Variants in NTM observed in about 807,000 individuals in gnomAD.
NTM encodes the protein IgLON family member 2.
In NTM, 13 loss-of-function variants were observed where a neutral mutation model predicts 42.1. The ratio of observed to expected loss-of-function variants is 0.31; its 90% confidence interval spans 0.20 to 0.49. The LOEUF is 0.49. Among genes scored for constraint, NTM ranks in the 20% least tolerant of loss-of-function variants. NTM has a pLI of 0.99. For synonymous variants in NTM, 187 were observed against 179.2 expected (o/e 1.04, Z -0.35); for missense variants, 373 against 452.8 (o/e 0.82, Z 1.60).
chr11:131,379,809 A>T (rs988379030), intron 1 of NTM, among the ~76,000 whole-genome samples: 4 of 152,106 alleles, frequency 2.6e-5, no homozygotes, highest in African/African-American at 9.7e-5. Context: ...CCTATTTTCT[A>T]TAAAATCATC....
intron 1 of NTM, among the ~76,000 whole-genome samples, chr11:131,630,607 A>G (rs2063557391): frequency 6.6e-6 from 1 of 152,158 alleles, no homozygotes; most frequent in African/African-American, 2.4e-5. Flanking sequence ...AATGTGATCT[A>G]CAGTCAGAGG....
intron 3 of NTM, among the ~76,000 whole-genome samples, chr11:132,205,316 A>C (rs1047269188): frequency 6.6e-6 from 1 of 152,210 alleles, no homozygotes; most frequent in Non-Finnish European, 1.5e-5. Context: ...TGGATTTAAT[A>C]GGATATCCAC....
At chr11:131,586,314 G>A (rs549288810) in intron 1 of NTM, among the ~76,000 whole-genome samples, 27 of 152,154 alleles carry the variant, frequency 1.8e-4, no homozygotes, top group African/African-American at 6.5e-4. Context: ...TATGGGTTAT[G>A]CTTATTCTAT....
intron 3 of NTM, among the ~76,000 whole-genome samples, chr11:132,165,440 C>G (rs997080302): frequency 6.6e-6 from 1 of 152,184 alleles, no homozygotes; most frequent in African/African-American, 2.4e-5. Flanking sequence ...TAACTTATTG[C>G]CTTCCTACAG....
chr11:131,963,624 G>C (rs963780133), intron 2 of NTM, among the ~76,000 whole-genome samples: 1 of 152,206 alleles, frequency 6.6e-6, no homozygotes, highest in Non-Finnish European at 1.5e-5. Context: ...TATGTTGAGA[G>C]CATCCCTTGA....
At chr11:132,279,829 C>T (rs898404004) in intron 4 of NTM, among the ~76,000 whole-genome samples, 14 of 152,170 alleles carry the variant, frequency 9.2e-5, no homozygotes, top group African/African-American at 3.4e-4. Flanking sequence ...TGCATACCTT[C>T]CATATAAAGA....
At chr11:131,778,880 G>T (rs538967371) in intron 1 of NTM, among the ~76,000 whole-genome samples, 1 of 152,354 alleles carries the variant, frequency 6.6e-6, no homozygotes, top group East Asian at 1.9e-4. Flanking sequence ...GGATGGGATA[G>T]TCTATCATAG....
rs185710941 is a variant in NTM, at chr11:131,862,858, G to A, written c.83-48706G>A. 2.6e-4 allele frequency among the ~76,000 whole-genome samples: 39 copies of A among 152,284 alleles called. No individual in the cohort carries two copies. In the East Asian group the frequency reaches 4.8e-3, roughly 19 times the overall value. ...GACAATCTCTCAAGCCTTTCAGAGC[G>A]GAGAGAGGAAGTCTGGTTGCTATCC... is the stretch of plus-strand genomic sequence containing the variant. On this transcript the variant is annotated intron_variant, in intron 1 of 8. Transcript: ENST00000683400.
chr11:131,798,457 A>T (rs1354081744), intron 1 of NTM, among the ~76,000 whole-genome samples: 2 of 152,292 alleles, frequency 1.3e-5, no homozygotes, highest in East Asian at 3.9e-4. Context: ...GGTGGCAAGG[A>T]TGGGGAGTCT....
At position 132,070,048 on chromosome 11, in the gene NTM, A is replaced by T. The variant is rs2057276909; in HGVS notation, c.168-76234A>T. 3.4e-5 allele frequency among the ~76,000 whole-genome samples: 5 copies of T among 147,520 alleles called. No homozygotes were observed. The South Asian group carries it at 1.1e-3, about 32-fold the overall frequency. On this transcript the variant is annotated intron_variant, in intron 2 of 8. Transcript: ENST00000683400. ...CACGTCAAACTGACCGTCACAGGTT[A>T]GTTAACACGTCACACAGCCAAGTTA...
chr11:131,381,882 A>C (rs923747262), intron 1 of NTM, among the ~76,000 whole-genome samples: 3 of 152,220 alleles, frequency 2.0e-5, no homozygotes, highest in African/African-American at 7.2e-5. Flanking sequence ...GGGCAAGTTC[A>C]TCTCTATTCC....
chr11:131,470,891 G>A (rs1254590353), intron 1 of NTM, among the ~76,000 whole-genome samples: 1 of 152,124 alleles, frequency 6.6e-6, no homozygotes, highest in Non-Finnish European at 1.5e-5. Context: ...GCATTTCCAC[G>A]CTCCAAGCCT....
chr11:132,130,777 AG>A (rs1177604563), intron 2 of NTM, among the ~76,000 whole-genome samples: 1 of 152,206 alleles, frequency 6.6e-6, no homozygotes, highest in Non-Finnish European at 1.5e-5. Context: ...AGCCGCCAGC[AG>A]GCTCTTCATG....
At chr11:131,619,086 T>A (rs909857124) in intron 1 of NTM, among the ~76,000 whole-genome samples, 15 of 152,136 alleles carry the variant, frequency 9.9e-5, no homozygotes, top group African/African-American at 3.6e-4. Context: ...GAGCTCTGCC[T>A]TTGGAGGGCG....
intron 2 of NTM, among the ~76,000 whole-genome samples, chr11:132,069,705 C>G (rs1237946020): frequency 6.7e-6 from 1 of 149,900 alleles, no homozygotes; most frequent in African/African-American, 2.5e-5. Context: ...GTCACACAGC[C>G]AGGTTAACAC....
At chr11:131,468,195 G>C (rs1398427082) in intron 1 of NTM, among the ~76,000 whole-genome samples, 2 of 152,168 alleles carry the variant, frequency 1.3e-5, no homozygotes, top group African/African-American at 2.4e-5. Flanking sequence ...GTCTGCTCCA[G>C]CCCATCTGAT....
chr11:131,835,461 A>T (rs1006593577), intron 1 of NTM, among the ~76,000 whole-genome samples: 4 of 152,336 alleles, frequency 2.6e-5, no homozygotes, highest in African/African-American at 9.6e-5. Context: ...CAAGCACTTC[A>T]CAAAGTGATC....
intron 1 of NTM, among the ~76,000 whole-genome samples, chr11:131,598,552 G>C (rs1033603661): frequency 6.6e-6 from 1 of 152,080 alleles, no homozygotes; most frequent in African/African-American, 2.4e-5. Flanking sequence ...GGGGCGGAGA[G>C]CTCCCCCCTC....
At chr11:132,227,985 G>A (rs1041216739) in intron 4 of NTM, among the ~76,000 whole-genome samples, 2 of 152,162 alleles carry the variant, frequency 1.3e-5, no homozygotes, top group Non-Finnish European at 1.5e-5. Flanking sequence ...AACCCTGCAT[G>A]ACCAGATGCT....
Sources: gnomAD v4.1 joint callset for allele counts (sites outside exome capture counted in the v4.1 genomes callset) on GRCh38, gnomAD v4.1.1 for gene constraint, MANE v1.5 for transcripts, NCBI Gene and HGNC (gene_info 2026-07-23, HGNC 2026-07-21) for gene names.